LRCH2: variants seen among roughly 807,000 people sequenced by gnomAD.
LRCH2 encodes leucine rich repeats and calponin homology domain containing 2, also known as leucine-rich repeat and calponin homology domain-containing protein 2.
Under a neutral mutation model 68.9 loss-of-function variants are expected in LRCH2, and 38 were observed. That is an observed-to-expected ratio of 0.55 (90% CI 0.43 to 0.72). The LOEUF (loss-of-function observed/expected upper bound fraction) is 0.72. LRCH2 is among the 30% of genes least tolerant of loss of function. LRCH2 has a pLI of 0.00. For synonymous variants in LRCH2, 191 were observed against 208.1 expected (o/e 0.92, Z 0.71); for missense variants, 528 against 572.9 (o/e 0.92, Z 0.80).
At chrX:115,151,395 T>TA (rs1161283150) in intron 12 of LRCH2, among the ~76,000 whole-genome samples, 1 of 108,018 alleles carries the variant, frequency 9.3e-6, no homozygotes, top group Non-Finnish European at 1.9e-5. Context: ...AAAGAAAGAA[T>TA]AAAAAAGGGG....
At chrX:115,216,713 G>C (rs1416647136) in intron 1 of LRCH2, among the ~76,000 whole-genome samples, 2 of 111,765 alleles carry the variant, frequency 1.8e-5, no homozygotes, top group Admixed American at 1.9e-4. Context: ...ATTTGTCAAA[G>C]AACTAAAAAT....
intron 14 of LRCH2, among the ~76,000 whole-genome samples, chrX:115,138,014 G>A (rs2072304633): frequency 2.7e-5 from 3 of 111,243 alleles, no homozygotes; most frequent in Admixed American, 9.6e-5. Context: ...AGCTAAAAGG[G>A]CAGTCAGGGA....
chrX:115,204,148 G>A (rs1263703180), intron 1 of LRCH2, among the ~76,000 whole-genome samples: 2 of 113,186 alleles, frequency 1.8e-5, no homozygotes, highest in Non-Finnish European at 3.7e-5. Context: ...ATTATGAGCT[G>A]TGCCTTGGCC....
intron 1 of LRCH2, among the ~76,000 whole-genome samples, chrX:115,209,714 A>G (rs1454530234): frequency 8.9e-6 from 1 of 112,247 alleles, no homozygotes; most frequent in East Asian, 2.8e-4. Flanking sequence ...AGAAGAAGGC[A>G]GGAAAATGTG....
intron 15 of LRCH2, among the ~76,000 whole-genome samples, chrX:115,128,109 C>A (rs975566785): frequency 1.8e-5 from 2 of 111,598 alleles, no homozygotes; most frequent in African/African-American, 6.5e-5. Flanking sequence ...TCTGCCGGAG[C>A]AGAAACAGTA....
At chrX:115,201,285 G>A (rs1172485332) in intron 1 of LRCH2, among the ~76,000 whole-genome samples, 2 of 111,771 alleles carry the variant, frequency 1.8e-5, no homozygotes, top group Non-Finnish European at 3.8e-5. Context: ...GATGAGATCT[G>A]GGTGGGGACA....
intron 11 of LRCH2, among the ~76,000 whole-genome samples, chrX:115,158,574 T>C (rs950402452): frequency 5.3e-5 from 6 of 112,250 alleles, no homozygotes; most frequent in African/African-American, 1.9e-4. Flanking sequence ...TTAATTATAC[T>C]TTAATTATAA....
At chrX:115,134,585 A>T (rs782036432) in intron 14 of LRCH2, among the ~76,000 whole-genome samples, 7 of 112,038 alleles carry the variant, frequency 6.2e-5, no homozygotes, top group Admixed American at 3.8e-4. Flanking sequence ...GTGCTTTATA[A>T]ATAGACCTGC....
chrX:115,223,096 T>C (rs2073095811), intron 1 of LRCH2, among the ~76,000 whole-genome samples: 1 of 111,394 alleles, frequency 9.0e-6, no homozygotes, highest in Admixed American at 9.6e-5. Flanking sequence ...AAAAATGACC[T>C]TTTCAAAAAA....
chrX:115,190,130 G>T, intron 1 of LRCH2: 1 of 1,160,726 alleles, frequency 8.6e-7, no homozygotes. Flanking sequence ...GCCGTGTGGG[G>T]GCAAGATGGC....
intron 1 of LRCH2, among the ~76,000 whole-genome samples, chrX:115,218,734 G>T (rs1223266779): frequency 8.9e-6 from 1 of 112,094 alleles, no homozygotes; most frequent in Non-Finnish European, 1.9e-5. Context: ...GTGGCCAATG[G>T]GAATCCTCTA....
intron 11 of LRCH2, among the ~76,000 whole-genome samples, chrX:115,157,659 A>G (rs2072486218): frequency 9.1e-6 from 1 of 109,355 alleles, no homozygotes; most frequent in African/African-American, 3.3e-5. Flanking sequence ...TTCTTTGTAT[A>G]GGCATGCATT....
chrX:115,126,593 C>CA, intron 16 of LRCH2: 1 of 254,408 alleles, frequency 3.9e-6, no homozygotes, highest in Non-Finnish European at 6.9e-6. Context: ...ACAGACACTA[C>CA]AGACACTACA....
At chrX:115,144,768 A>G (rs2072368159) in intron 14 of LRCH2, among the ~76,000 whole-genome samples, 1 of 112,171 alleles carries the variant, frequency 8.9e-6, no homozygotes, top group Non-Finnish European at 1.9e-5. Context: ...AATGAAAACT[A>G]TAAAATACTG....
intron 15 of LRCH2, among the ~76,000 whole-genome samples, chrX:115,128,406 ATACC>A (rs2072216848): frequency 1.8e-5 from 2 of 112,102 alleles, no homozygotes; most frequent in Non-Finnish European, 3.8e-5. Flanking sequence ...CTATACATAC[ATACC>A]TATGATAAAG....
At chrX:115,151,044 C>G (rs1556538191) in intron 12 of LRCH2, among the ~76,000 whole-genome samples, 10 of 111,572 alleles carry the variant, frequency 9.0e-5, no homozygotes, top group Admixed American at 8.6e-4. Context: ...ACAGGTATAA[C>G]TTCTCTTTCA....
intron 1 of LRCH2, among the ~76,000 whole-genome samples, chrX:115,189,121 C>A (rs1556555776): frequency 8.9e-6 from 1 of 111,797 alleles, no homozygotes; most frequent in African/African-American, 3.3e-5. Context: ...TCACATCCAC[C>A]AATGTAACCA....
Position 115,181,967 on chromosome X carries a change from A to C in LRCH2, c.622-2216T>G, listed in dbSNP as rs782206651. Among the ~76,000 whole-genome samples, 116 of 111,672 alleles carry C rather than the reference A, an allele frequency of 1.0e-3. 1 individual carries two copies. The highest frequency in any genetic ancestry group is 3.6e-3 in the African/African-American group (111 of 30,768). ...TTTTTTTTCTTGTCATTACTCCTTA[A>C]ATAATACAACGTAACAACTACTCAC... is the stretch of plus-strand genomic sequence containing the variant. On this transcript the variant is annotated intron_variant, in intron 3 of 20. Coordinates refer to ENST00000317135, the MANE Select transcript of LRCH2 (RefSeq NM_020871.4).
chrX:115,184,073 A>G (rs1180363649), intron 3 of LRCH2, among the ~76,000 whole-genome samples: 5 of 112,370 alleles, frequency 4.4e-5, no homozygotes, highest in South Asian at 3.6e-4. Context: ...ATAGTCCTAT[A>G]AAAGTTTTAT....
Sources: allele counts gnomAD v4.1 joint callset (sites outside exome capture counted in the v4.1 genomes callset), GRCh38; gene constraint gnomAD v4.1.1; transcripts MANE v1.5; gene names NCBI Gene and HGNC (gene_info 2026-07-23, HGNC 2026-07-21).